The following CNBD1 variants were observed in gnomAD, a reference collection of about 807,000 sequenced individuals.
The protein encoded by CNBD1 is cyclic nucleotide-binding domain-containing protein 1.
CNBD1 carries 71 observed loss-of-function variants against 54.4 expected under a neutral mutation model. That is an observed-to-expected ratio of 1.30 (90% confidence interval 1.08 to 1.59). CNBD1 has a LOEUF of 1.59. Ranked by LOEUF, CNBD1 falls within the 40% of genes most tolerant of loss-of-function variation. CNBD1 has a pLI of 0.00. For missense variants in CNBD1, 659 were observed against 518.0 expected (o/e 1.27, Z -2.64); for synonymous variants, 182 against 170.7 (o/e 1.07, Z -0.51).
intron 4 of CNBD1, among the ~76,000 whole-genome samples, chr8:87,196,097 A>G (rs1435181118): frequency 1.3e-5 from 2 of 152,152 alleles, no homozygotes; most frequent in African/African-American, 4.8e-5. Context: ...CCTTTTGAAC[A>G]CTTATACTCC....
At chr8:87,057,930 A>C (rs1810457865) in intron 4 of CNBD1, among the ~76,000 whole-genome samples, 1 of 152,170 alleles carries the variant, frequency 6.6e-6, no homozygotes, top group Non-Finnish European at 1.5e-5. Flanking sequence ...TCATTCAAGC[A>C]TTAACTCAAA....
chr8:87,277,568 G>T (rs10101014), intron 6 of CNBD1, among the ~76,000 whole-genome samples: 42,626 of 151,442 alleles, frequency 0.28, 6,448 homozygotes, highest in African/African-American at 0.39. Flanking sequence ...CCAGTCTCAT[G>T]TATTTTATAG....
At chr8:87,399,762 G>A (rs190070153) in intron 2 of CNBD1, among the ~76,000 whole-genome samples, 3 of 152,090 alleles carry the variant, frequency 2.0e-5, no homozygotes, top group African/African-American at 7.2e-5. Flanking sequence ...TTAGGTGCTG[G>A]TAGGATAGTT....
At chr8:87,063,183 G>C (rs530210449) in intron 4 of CNBD1, among the ~76,000 whole-genome samples, 1 of 152,136 alleles carries the variant, frequency 6.6e-6, no homozygotes. Context: ...AACAGTTCAA[G>C]TAACTTTGGA....
intron 5 of CNBD1, 95 bp downstream of exon 5, chr8:87,206,233 A>G: frequency 1.0e-6 from 1 of 985,722 alleles, no homozygotes; most frequent in South Asian, 2.7e-5. Context: ...TCACTTAACA[A>G]TTTCAGTTGA....
intron 4 of CNBD1, among the ~76,000 whole-genome samples, chr8:87,095,633 T>A (rs1811301247): frequency 6.6e-6 from 1 of 152,226 alleles, no homozygotes; most frequent in Non-Finnish European, 1.5e-5. Context: ...ATTATTAGCA[T>A]CTGAATGACC....
intron 6 of CNBD1, among the ~76,000 whole-genome samples, chr8:87,246,267 AT>A (rs1262542632): frequency 6.6e-6 from 1 of 152,126 alleles, no homozygotes; most frequent in Non-Finnish European, 1.5e-5. Context: ...CCATGTCATA[AT>A]TTCCATTATC....
At chr8:87,238,241 A>G (rs1807622008) in intron 6 of CNBD1, among the ~76,000 whole-genome samples, 1 of 152,124 alleles carries the variant, frequency 6.6e-6, no homozygotes, top group Admixed American at 6.5e-5. Flanking sequence ...GGTAGAGAGA[A>G]GTTTCAGAGG....
intron 8 of CNBD1, among the ~76,000 whole-genome samples, chr8:87,331,375 C>T (rs1809827189): frequency 6.6e-6 from 1 of 152,160 alleles, no homozygotes; most frequent in Non-Finnish European, 1.5e-5. Context: ...ATCAAAGTCC[C>T]TGCAAAGGAC....
chr8:87,009,046 T>C (rs1313324842), intron 4 of CNBD1, among the ~76,000 whole-genome samples: 3 of 152,004 alleles, frequency 2.0e-5, no homozygotes, highest in African/African-American at 7.2e-5. Flanking sequence ...TCTTTTTTAC[T>C]TTACCATTTT....
rs1268019007 is a variant in CNBD1 at position 86,869,468 on chromosome 8, A to G, written c.88+2885A>G. ...GGAGGCAACATGTCACACATCTTCA[A>G]ACCCTCCTCCACTGCTATCTTGTTG... On this transcript the variant is annotated intron_variant, in intron 1 of 10. Coordinates refer to ENST00000518476, the MANE Select transcript of CNBD1 (RefSeq NM_173538.3). 3.3e-5 allele frequency among the ~76,000 whole-genome samples: 5 copies of G among 152,328 alleles called. No homozygotes were observed. In the East Asian group the frequency reaches 7.7e-4, roughly 24 times the overall value.
At chr8:87,312,193 T>TC (rs1230186656) in intron 8 of CNBD1, among the ~76,000 whole-genome samples, 3 of 151,920 alleles carry the variant, frequency 2.0e-5, no homozygotes, top group Admixed American at 2.0e-4. Flanking sequence ...TATATTCCCC[T>TC]CCCCCCAAAA....
chr8:86,967,594 G>A (rs953648262), intron 4 of CNBD1, among the ~76,000 whole-genome samples: 1 of 152,184 alleles, frequency 6.6e-6, no homozygotes, highest in Non-Finnish European at 1.5e-5. Flanking sequence ...ACCATCAAAA[G>A]CATTCTTTCT....
chr8:87,054,000 C>G (rs575750695), intron 4 of CNBD1, among the ~76,000 whole-genome samples: 6 of 152,334 alleles, frequency 3.9e-5, no homozygotes, highest in African/African-American at 1.4e-4. Flanking sequence ...CAGATGGAGA[C>G]AGCGTGGAGG....
intron 2 of CNBD1, among the ~76,000 whole-genome samples, chr8:87,405,804 C>G (rs1456309326): frequency 6.6e-6 from 1 of 152,150 alleles, no homozygotes; most frequent in Non-Finnish European, 1.5e-5. Flanking sequence ...ACCCTGGTCA[C>G]TGTTTTAGAG....
chr8:86,903,719 A>G (rs965792227), intron 2 of CNBD1, among the ~76,000 whole-genome samples: 1 of 151,842 alleles, frequency 6.6e-6, no homozygotes, highest in Non-Finnish European at 1.5e-5. Context: ...TATCTCAAAT[A>G]AAGTATATTG....
intron 6 of CNBD1, among the ~76,000 whole-genome samples, chr8:87,272,331 C>G (rs960928213): frequency 6.6e-6 from 1 of 151,910 alleles, no homozygotes; most frequent in Non-Finnish European, 1.5e-5. Context: ...TCACATGTAT[C>G]TAAAAAATAT....
rs567473353 is a variant in CNBD1, at chr8:87,417,728, T to C, written c.214-10818T>C. Among the ~76,000 whole-genome samples, 13 of 149,882 alleles carry C rather than the reference T, an allele frequency of 8.7e-5. No homozygotes were observed. The East Asian group carries it at 2.5e-3, about 29-fold the overall frequency. On this transcript the variant is annotated intron_variant, in intron 2 of 7. Coordinates refer to the CNBD1 transcript ENST00000521593. ...CAGTCTAAAAATGAAATTAATAAAA[T>C]TAATTTCATTTATGATAGTATCAAT...
At chr8:86,936,096 G>A (rs1236816302) in intron 3 of CNBD1, among the ~76,000 whole-genome samples, 1 of 151,940 alleles carries the variant, frequency 6.6e-6, no homozygotes, top group African/African-American at 2.4e-5. Context: ...CTGAGATCAT[G>A]CCATTGCACT....
Sources: allele counts gnomAD v4.1 joint callset (sites outside exome capture counted in the v4.1 genomes callset), GRCh38; gene constraint gnomAD v4.1.1; transcripts MANE v1.5; gene names NCBI Gene and HGNC (gene_info 2026-07-23, HGNC 2026-07-21).